Variants in DCC observed in about 807,000 individuals in gnomAD.
DCC encodes DCC netrin 1 receptor.
In DCC, 58 loss-of-function variants were observed where a neutral mutation model predicts 172.5. The observed-to-expected ratio is 0.34, with a 90% confidence interval of 0.27 to 0.42. DCC has a LOEUF of 0.42. Among genes scored for constraint, DCC ranks in the 10% least tolerant of loss-of-function variants. The pLI is 1.00. For missense variants in DCC, 1,740 were observed against 1,791.0 expected, an observed-to-expected ratio of 0.97 and a Z score of 0.51; for synonymous variants, 709 against 644.5, an observed-to-expected ratio of 1.10 and a Z score of -1.52.
intron 1 of DCC, among the ~76,000 whole-genome samples, chr18:52,364,658 G>A (rs920627726): frequency 2.0e-5 from 3 of 152,130 alleles, no homozygotes; most frequent in African/African-American, 7.2e-5. Context: ...TTATGCCTCT[G>A]CCTTAAATTA....
intron 9 of DCC, among the ~76,000 whole-genome samples, chr18:53,183,692 A>C (rs535069852): frequency 5.9e-5 from 9 of 152,092 alleles, no homozygotes; most frequent in Non-Finnish European, 1.3e-4. Flanking sequence ...GAGTGAAAGC[A>C]ACCCACCAAT....
chr18:53,086,849 A>C lies in DCC; in HGVS notation c.1261+20683A>C, dbSNP rs541595094. ...TCCCACCTATGAGTGAGAATATGTG[A>C]TGTTTGGTTTTTTGTTCTTGCAATA... On this transcript the variant is annotated intron_variant, in intron 7 of 28. Coordinates refer to ENST00000442544, the MANE Select transcript of DCC (RefSeq NM_005215.4). 1.7e-4 allele frequency among the ~76,000 whole-genome samples: 24 copies of C among 140,482 alleles called. No individual in the cohort carries two copies. The East Asian group carries it at 5.0e-3, about 29-fold the overall frequency. The allele number at this position is 140,482 out of a possible 152,430, so 92.2% of individuals were successfully genotyped here. A position where few individuals can be genotyped will look rare whatever the true frequency, so the allele number is the denominator to read the frequency against.
chr18:52,378,647 A>C (rs1225137235), intron 1 of DCC, among the ~76,000 whole-genome samples: 2 of 152,072 alleles, frequency 1.3e-5, no homozygotes, highest in Admixed American at 1.3e-4. Context: ...CCCGGGTTCA[A>C]GTGATCCCCT....
chr18:52,433,953 T>TA (rs138122932), intron 1 of DCC, among the ~76,000 whole-genome samples: 3 of 152,120 alleles, frequency 2.0e-5, no homozygotes, highest in East Asian at 1.9e-4. Flanking sequence ...CCATGGTGGT[T>TA]AAAAAAATCA....
intron 7 of DCC, 107 bp downstream of exon 7, chr18:53,066,273 T>A: frequency 9.7e-7 from 1 of 1,031,062 alleles, no homozygotes; most frequent in Non-Finnish European, 1.5e-6. Context: ...TATGGCAATA[T>A]GAAATCATTT....
chr18:52,628,685 G>A (rs929687190), intron 1 of DCC, among the ~76,000 whole-genome samples: 6 of 152,202 alleles, frequency 3.9e-5, no homozygotes, highest in Non-Finnish European at 8.8e-5. Context: ...GGCCTGCAAG[G>A]AAAGGAAGTG....
intron 7 of DCC, among the ~76,000 whole-genome samples, chr18:53,104,296 G>A (rs1041079163): frequency 2.6e-5 from 4 of 152,048 alleles, no homozygotes; most frequent in African/African-American, 9.7e-5. Flanking sequence ...GTGGGAGGGA[G>A]CCTGTAGGAG....
At chr18:53,518,305 G>A (rs1423160216) in intron 27 of DCC, among the ~76,000 whole-genome samples, 1 of 152,074 alleles carries the variant, frequency 6.6e-6, no homozygotes, top group Non-Finnish European at 1.5e-5. Context: ...AAGTGGGGAA[G>A]ATGTGAGTTA....
intron 1 of DCC, among the ~76,000 whole-genome samples, chr18:52,728,725 A>G (rs979362067): frequency 6.6e-6 from 1 of 152,226 alleles, no homozygotes; most frequent in African/African-American, 2.4e-5. Flanking sequence ...GCACAAGCTA[A>G]CATATCAGTT....
intron 1 of DCC, among the ~76,000 whole-genome samples, chr18:52,678,766 G>A (rs905784223): frequency 3.9e-5 from 6 of 152,154 alleles, no homozygotes; most frequent in East Asian, 3.9e-4. Context: ...CTAGGAAACC[G>A]GTTCTGGGCA....
intron 1 of DCC, among the ~76,000 whole-genome samples, chr18:52,497,280 A>AATATATATAT (rs1172366771): frequency 4.6e-5 from 1 of 21,574 alleles, no homozygotes; most frequent in Non-Finnish European, 1.1e-4. Context: ...AAAAAAAAAA[A>AATATATATAT]ATATATATAT....
At chr18:53,433,112 A>C (rs1203043062) in intron 21 of DCC, among the ~76,000 whole-genome samples, 1 of 152,054 alleles carries the variant, frequency 6.6e-6, no homozygotes, top group East Asian at 1.9e-4. Context: ...AGATTCTGTG[A>C]GTAGAATGTC....
At chr18:52,417,242 G>A (rs990372413) in intron 1 of DCC, among the ~76,000 whole-genome samples, 5 of 152,114 alleles carry the variant, frequency 3.3e-5, no homozygotes, top group East Asian at 1.9e-4. Context: ...CGAGAGATCC[G>A]CTGTTAGTCT....
At chr18:53,529,132 C>A (rs187672283) in intron 28 of DCC, among the ~76,000 whole-genome samples, 14 of 150,564 alleles carry the variant, frequency 9.3e-5, no homozygotes, top group Admixed American at 1.3e-4. Flanking sequence ...ACTTTTCAGT[C>A]CTCTATTAAG....
intron 1 of DCC, among the ~76,000 whole-genome samples, chr18:52,519,612 T>C (rs2031746321): frequency 1.3e-5 from 2 of 152,060 alleles, no homozygotes; most frequent in African/African-American, 4.8e-5. Context: ...ATGGAAGGAA[T>C]TTGGTTATGT....
intron 1 of DCC, among the ~76,000 whole-genome samples, chr18:52,644,973 T>G (rs1369054094): frequency 6.6e-6 from 1 of 152,200 alleles, no homozygotes; most frequent in Non-Finnish European, 1.5e-5. Context: ...CAGCTTTTTC[T>G]TTGAATACTG....
intron 2 of DCC, among the ~76,000 whole-genome samples, chr18:52,848,367 G>A (rs898441056): frequency 2.6e-5 from 4 of 152,138 alleles, no homozygotes; most frequent in African/African-American, 7.2e-5. Context: ...GATTACAGGC[G>A]TGTGCTACCA....
intron 2 of DCC, among the ~76,000 whole-genome samples, chr18:52,803,142 G>C (rs2038025073): frequency 6.6e-6 from 1 of 152,110 alleles, no homozygotes; most frequent in South Asian, 2.1e-4. Flanking sequence ...TGCCTCTTGG[G>C]AACACTTTGA....
At chr18:52,499,457 C>G (rs1316763059) in intron 1 of DCC, among the ~76,000 whole-genome samples, 1 of 152,082 alleles carries the variant, frequency 6.6e-6, no homozygotes, top group African/African-American at 2.4e-5. Context: ...GAAGTGGCAG[C>G]CTTATCTTCA....
Sources: allele counts gnomAD v4.1 joint callset (sites outside exome capture counted in the v4.1 genomes callset), GRCh38; gene constraint gnomAD v4.1.1; transcripts MANE v1.5; gene names NCBI Gene and HGNC (gene_info 2026-07-23, HGNC 2026-07-21).